CYRIB: variants seen among roughly 807,000 people sequenced by gnomAD.
CYRIB encodes CYFIP-related Rac1 interactor B.
In CYRIB, 8 loss-of-function variants were observed where a neutral mutation model predicts 44.2. The observed-to-expected ratio is 0.18, with a 90% CI of 0.11 to 0.33. CYRIB has a LOEUF of 0.33. Among genes scored for constraint, CYRIB ranks in the 10% least tolerant of loss-of-function variants. CYRIB has a pLI of 1.00. For missense variants in CYRIB, 185 were observed against 382.8 expected (o/e 0.48, Z 4.31); for synonymous variants, 131 against 127.2 (o/e 1.03, Z -0.20).
At chr8:130,003,469 T>A (rs1239994890) in intron 1 of CYRIB, among the ~76,000 whole-genome samples, 1 of 152,276 alleles carries the variant, frequency 6.6e-6, no homozygotes, top group East Asian at 1.9e-4. Context: ...CAGCGCAGGG[T>A]CAGGGACACC....
At chr8:130,007,683 C>A (rs777071840) in intron 1 of CYRIB, among the ~76,000 whole-genome samples, 1 of 152,172 alleles carries the variant, frequency 6.6e-6, no homozygotes, top group Non-Finnish European at 1.5e-5. Flanking sequence ...ACTTTGGAGG[C>A]TAAGGCAGGA....
chr8:129,992,499 G>A (rs913162207), intron 1 of CYRIB, among the ~76,000 whole-genome samples: 2 of 151,920 alleles, frequency 1.3e-5, no homozygotes, highest in South Asian at 2.1e-4. Context: ...ACTGTTTTTC[G>A]CTGCTCTTTA....
At chr8:129,869,891 C>A (rs532157046) in intron 4 of CYRIB, among the ~76,000 whole-genome samples, 7 of 150,892 alleles carry the variant, frequency 4.6e-5, no homozygotes, top group Admixed American at 3.3e-4. Context: ...TTACCTCCCC[C>A]CCGCCCAAAA....
At chr8:129,874,100 A>T (rs1471449578) in intron 3 of CYRIB, among the ~76,000 whole-genome samples, 1 of 152,048 alleles carries the variant, frequency 6.6e-6, no homozygotes, top group African/African-American at 2.4e-5. Flanking sequence ...GTACTATATA[A>T]TGCAACCAAG....
In CYRIB at chr8:129,972,964, C is replaced by G. The variant is rs114037918; in HGVS notation, c.-295-1969G>C. ...AGCATGTGTCTCATCCCTTCTCAGTCTTTCGGAGCATCTGACTTGGGCAAG... is the reference window on the plus strand; with the variant it reads ...AGCATGTGTCTCATCCCTTCTCAGTGTTTCGGAGCATCTGACTTGGGCAAG... On this transcript the variant is annotated intron_variant, in intron 1 of 14. Coordinates refer to the CYRIB transcript ENST00000401979. 5.3e-3 allele frequency among the ~76,000 whole-genome samples: 812 copies of G among 152,336 alleles called. 8 individuals carry two copies. Among genetic ancestry groups the G allele is most frequent in the African/African-American group, 0.019 (789 of 41,562 alleles).
At chr8:129,874,371 A>G in intron 3 of CYRIB, among the ~76,000 whole-genome samples, 1 of 152,120 alleles carries the variant, frequency 6.6e-6, no homozygotes, top group East Asian at 1.9e-4. Flanking sequence ...GGGTAGAAAA[A>G]GAGTCAATAT....
chr8:129,873,585 T>C (rs1274094042), intron 3 of CYRIB, among the ~76,000 whole-genome samples: 6 of 152,038 alleles, frequency 3.9e-5, no homozygotes, highest in Non-Finnish European at 8.8e-5. Context: ...ACGTATTTAG[T>C]TTGAATTCAT....
chr8:129,981,045 A>G (rs1225653718), intron 1 of CYRIB, among the ~76,000 whole-genome samples: 4 of 152,128 alleles, frequency 2.6e-5, no homozygotes, highest in Admixed American at 6.6e-5. Flanking sequence ...GAAGATGGGA[A>G]GAAGACAGAG....
intron 2 of CYRIB, among the ~76,000 whole-genome samples, chr8:129,964,184 G>T (rs1202390936): frequency 2.0e-5 from 3 of 152,198 alleles, no homozygotes; most frequent in Admixed American, 2.0e-4. Flanking sequence ...ACAGAAGCTG[G>T]TGTCTCTTAG....
chr8:129,926,591 CT>C (rs2087883252), intron 1 of CYRIB, among the ~76,000 whole-genome samples: 1 of 130,048 alleles, frequency 7.7e-6, no homozygotes, highest in Non-Finnish European at 1.7e-5. Context: ...AGAGGAGTTC[CT>C]AATAATGGGA....
chr8:129,954,230 A>AT (rs559886579), intron 2 of CYRIB, among the ~76,000 whole-genome samples: 42 of 150,024 alleles, frequency 2.8e-4, no homozygotes, highest in East Asian at 1.2e-3. Context: ...TTAATTTTTA[A>AT]TTTTTTTTTT....
chr8:129,876,668 T>C (rs142640986), intron 3 of CYRIB, among the ~76,000 whole-genome samples: 1 of 152,188 alleles, frequency 6.6e-6, no homozygotes, highest in East Asian at 1.9e-4. Context: ...TTGTATATAA[T>C]ATGATACAAA....
chr8:129,958,261 C>A (rs1048336818), intron 2 of CYRIB, among the ~76,000 whole-genome samples: 2 of 152,162 alleles, frequency 1.3e-5, no homozygotes, highest in Non-Finnish European at 2.9e-5. Flanking sequence ...AGCCTTTCCA[C>A]TGGGCAGTGA....
chr8:129,976,141 G>A (rs2095905170), intron 1 of CYRIB, among the ~76,000 whole-genome samples: 4 of 151,638 alleles, frequency 2.6e-5, no homozygotes, highest in African/African-American at 9.7e-5. Flanking sequence ...GATTCATCTT[G>A]TTATTTTATT....
chr8:129,862,188 T>G, intron 5 of CYRIB, 41 bp downstream of exon 7: 1 of 1,396,116 alleles, frequency 7.2e-7, no homozygotes, highest in Non-Finnish European at 1.0e-6. Context: ...ATAAACATCT[T>G]TTTCACTAGG....
chr8:129,975,029 T>C (rs537971239), intron 1 of CYRIB, among the ~76,000 whole-genome samples: 23 of 152,130 alleles, frequency 1.5e-4, no homozygotes, highest in African/African-American at 5.3e-4. Context: ...TACAGGCACC[T>C]GCCAGCACGC....
intron 11 of CYRIB, among the ~76,000 whole-genome samples, 166 bp downstream of exon 13, chr8:129,846,638 A>G (rs1039905930): frequency 6.6e-6 from 1 of 152,240 alleles, no homozygotes; most frequent in African/African-American, 2.4e-5. Context: ...TACCGTAACC[A>G]GTGTTTGGAA....
chr8:129,891,533 T>C (rs1376915739), intron 2 of CYRIB, among the ~76,000 whole-genome samples: 1 of 152,208 alleles, frequency 6.6e-6, no homozygotes, highest in Non-Finnish European at 1.5e-5. Context: ...TGGATGCCAG[T>C]GTTAATATCA....
intron 2 of CYRIB, chr8:129,880,341 T>C (rs1407238035): frequency 3.1e-6 from 3 of 965,436 alleles, no homozygotes; most frequent in Non-Finnish European, 3.7e-6. Context: ...ACCTTTACCA[T>C]TATGCACCAG....
Sources: gnomAD v4.1 joint callset for allele counts (sites outside exome capture counted in the v4.1 genomes callset) on GRCh38, gnomAD v4.1.1 for gene constraint, MANE v1.5 for transcripts, NCBI Gene and HGNC (gene_info 2026-07-23, HGNC 2026-07-21) for gene names.